The following CLASP2 variants were observed in gnomAD, a reference collection of about 807,000 sequenced individuals.
CLASP2 encodes cytoplasmic linker associated protein 2.
A neutral mutation model predicts 194.4 loss-of-function variants in CLASP2; 47 were observed. The ratio of observed to expected loss-of-function variants is 0.24; its 90% CI spans 0.19 to 0.31. The LOEUF (loss-of-function observed/expected upper bound fraction) is 0.31. CLASP2 is among the 10% of genes least tolerant of loss of function. The probability of loss-of-function intolerance (pLI) is 1.00; values close to 1 mark genes in which losing one functional copy is unlikely to be tolerated. For synonymous variants in CLASP2, 619 were observed against 633.5 expected (o/e 0.98, Z 0.34); for missense variants, 1,445 against 1,823.6 (o/e 0.79, Z 3.78).
At chr3:33,544,633 G>A in intron 31 of CLASP2, 65 bp downstream of exon 31, 2 of 1,440,130 alleles carry the variant, frequency 1.4e-6, no homozygotes, top group Non-Finnish European at 1.9e-6. Context: ...TCGTATAAAA[G>A]AAAGCAATTA....
chr3:33,616,239 G>A (rs897027799), intron 12 of CLASP2, among the ~76,000 whole-genome samples: 4 of 151,952 alleles, frequency 2.6e-5, no homozygotes, highest in East Asian at 3.9e-4. Flanking sequence ...AGGCTGAGGC[G>A]AGAGGATTGC....
intron 23 of CLASP2, 113 bp downstream of exon 23, chr3:33,581,708 G>T: frequency 1.5e-6 from 1 of 679,628 alleles, no homozygotes; most frequent in Non-Finnish European, 2.6e-6. Flanking sequence ...CAGAAAAGGG[G>T]TAGAGAGAAA....
intron 27 of CLASP2, among the ~76,000 whole-genome samples, chr3:33,566,153 T>C (rs2062702669): frequency 6.6e-6 from 1 of 152,228 alleles, no homozygotes; most frequent in Non-Finnish European, 1.5e-5. Flanking sequence ...CCCCATTTCC[T>C]AATCTATGAT....
chr3:33,538,702 C>A (rs988436119), intron 33 of CLASP2, 87 bp downstream of exon 33: 8 of 1,171,104 alleles, frequency 6.8e-6, no homozygotes, highest in Non-Finnish European at 8.1e-6. Context: ...AAAGTATATT[C>A]AAAAATGACA....
intron 29 of CLASP2, among the ~76,000 whole-genome samples, chr3:33,552,181 C>T (rs570391987): frequency 1.4e-5 from 2 of 146,230 alleles, no homozygotes; most frequent in Non-Finnish European, 3.0e-5. Context: ...TGTAATGGTG[C>T]GATCTCGGCT....
intron 37 of CLASP2, among the ~76,000 whole-genome samples, chr3:33,508,123 T>C (rs551604298): frequency 1.3e-5 from 2 of 151,768 alleles, no homozygotes; most frequent in Admixed American, 6.6e-5. Context: ...GCCTGCTGAA[T>C]AGCTGGGACC....
intron 8 of CLASP2, among the ~76,000 whole-genome samples, chr3:33,635,209 T>TGAACTGAGATCGTGC (rs1268193739): frequency 1.3e-5 from 2 of 151,448 alleles, no homozygotes; most frequent in Admixed American, 6.6e-5. Flanking sequence ...GCAGTGAGTG[T>TGAACTGAGATCGTGC]GAACTGAGAT....
intron 36 of CLASP2, 51 bp downstream of exon 36, chr3:33,515,972 G>A (rs2051214420): frequency 1.3e-6 from 2 of 1,537,260 alleles, no homozygotes; most frequent in Non-Finnish European, 1.8e-6. Context: ...ATGGTTACAT[G>A]TTTCATGAAA....
At chr3:33,614,755 G>T (rs1228697360) in intron 12 of CLASP2, among the ~76,000 whole-genome samples, 1 of 152,088 alleles carries the variant, frequency 6.6e-6, no homozygotes, top group Non-Finnish European at 1.5e-5. Context: ...CAAAGTGCTG[G>T]GATTACAGGA....
chr3:33,508,471 C>T (rs1305405256), intron 37 of CLASP2, among the ~76,000 whole-genome samples: 1 of 152,068 alleles, frequency 6.6e-6, no homozygotes, highest in Admixed American at 6.6e-5. Context: ...GCTAGAATTA[C>T]AGGCGTCTGC....
chr3:33,501,533 GGATGCTCAAAGCCT>G (rs2046853052), intron 38 of CLASP2, 105 bp downstream of exon 38: 8 of 614,192 alleles, frequency 1.3e-5, no homozygotes, highest in Non-Finnish European at 2.3e-5. Context: ...AGGGCAAGTT[GGATGCTCAAAGCCT>G]GACTTATTAA....
At chr3:33,689,599 C>CA (rs1343438266) in intron 3 of CLASP2, 3 of 375,158 alleles carry the variant, frequency 8.0e-6, no homozygotes, top group Admixed American at 4.3e-5. Context: ...ACTGTCAAAT[C>CA]ACTGAAATCT....
At chr3:33,547,386 T>C (rs1292736564) in intron 30 of CLASP2, among the ~76,000 whole-genome samples, 1 of 152,226 alleles carries the variant, frequency 6.6e-6, no homozygotes, top group Non-Finnish European at 1.5e-5. Flanking sequence ...TTGTGAGGCT[T>C]CCTGAGCCAC....
intron 1 of CLASP2, among the ~76,000 whole-genome samples, chr3:33,705,088 C>CAGCCA (rs1340142706): frequency 3.9e-5 from 6 of 152,108 alleles, no homozygotes; most frequent in Non-Finnish European, 8.8e-5. Context: ...GCCATACATA[C>CAGCCA]TTGTACGTCA....
At chr3:33,674,771 C>T (rs1467332718) in intron 6 of CLASP2, among the ~76,000 whole-genome samples, 11 of 152,136 alleles carry the variant, frequency 7.2e-5, no homozygotes, top group Non-Finnish European at 1.5e-4. Flanking sequence ...ACCGATCCCA[C>T]AGAAATACAA....
intron 7 of CLASP2, among the ~76,000 whole-genome samples, chr3:33,662,470 G>A (rs1339559600): frequency 6.6e-6 from 1 of 152,166 alleles, no homozygotes; most frequent in Non-Finnish European, 1.5e-5. Context: ...GGCATTCAAG[G>A]TGAGGACTGG....
At chr3:33,559,779 A>C (rs575697304) in intron 28 of CLASP2, among the ~76,000 whole-genome samples, 9 of 152,104 alleles carry the variant, frequency 5.9e-5, no homozygotes, top group Non-Finnish European at 1.3e-4. Context: ...CTGTAATCTC[A>C]GCTACTCGGG....
intron 27 of CLASP2, 46 bp from the exon 28 acceptor site, chr3:33,561,017 A>G (rs2061709899): frequency 1.3e-6 from 2 of 1,519,852 alleles, no homozygotes; most frequent in South Asian, 2.3e-5. Context: ...AAGAGGAAAT[A>G]TTGACCTCTA....
chr3:33,549,745 T>TC (rs1559976022), intron 30 of CLASP2, among the ~76,000 whole-genome samples: 3 of 150,816 alleles, frequency 2.0e-5, no homozygotes, highest in East Asian at 1.9e-4. Flanking sequence ...TTTTTTTCTT[T>TC]TTTTTTTTTT....
Sources: gnomAD v4.1 joint callset for allele counts (sites outside exome capture counted in the v4.1 genomes callset) on GRCh38, gnomAD v4.1.1 for gene constraint, MANE v1.5 for transcripts, NCBI Gene and HGNC (gene_info 2026-07-23, HGNC 2026-07-21) for gene names.